The following TRAF3 variants were observed in gnomAD, a reference collection of about 807,000 sequenced individuals.
TRAF3 encodes TNF receptor-associated factor 3.
TRAF3 carries 13 observed loss-of-function variants against 62.3 expected under a neutral mutation model. The ratio of observed to expected loss-of-function variants is 0.21; its 90% CI spans 0.14 to 0.33. The LOEUF (loss-of-function observed/expected upper bound fraction) is 0.33, where lower values mean the gene tolerates loss of function less well. TRAF3 is among the 10% of genes least tolerant of loss of function. TRAF3 has a pLI of 1.00. For synonymous variants in TRAF3, 269 were observed against 283.4 expected (o/e 0.95, Z 0.51); for missense variants, 440 against 741.8 (o/e 0.59, Z 4.73).
chr14:102,845,572 G>T (rs1436696454), intron 2 of TRAF3, among the ~76,000 whole-genome samples: 3 of 149,630 alleles, frequency 2.0e-5, no homozygotes, highest in Non-Finnish European at 4.4e-5. Flanking sequence ...CTGGAGTGCA[G>T]TGGCGCCATC....
intron 1 of TRAF3, among the ~76,000 whole-genome samples, chr14:102,802,836 G>A (rs1438076312): frequency 6.6e-6 from 1 of 152,012 alleles, no homozygotes. Flanking sequence ...TCAAAAAAAA[G>A]AAATACTCGA....
chr14:102,820,614 A>ATATATATATATATT (rs1566755336), intron 1 of TRAF3, among the ~76,000 whole-genome samples: 1 of 17,926 alleles, frequency 5.6e-5, no homozygotes. Flanking sequence ...ATATATATAT[A>ATATATATATATATT]TTTTTTTTTT....
intron 2 of TRAF3, among the ~76,000 whole-genome samples, chr14:102,854,402 A>G (rs539220916): frequency 1.3e-5 from 2 of 152,342 alleles, no homozygotes; most frequent in East Asian, 3.9e-4. Context: ...CCTGTCAACA[A>G]TATGTGAAGA....
chr14:102,802,787 C>T (rs1315612334), intron 1 of TRAF3, among the ~76,000 whole-genome samples: 2 of 152,026 alleles, frequency 1.3e-5, no homozygotes, highest in Non-Finnish European at 2.9e-5. Context: ...GAGATCGTGC[C>T]ACTGCACTCT....
At chr14:102,819,554 G>T (rs1156594017) in intron 1 of TRAF3, among the ~76,000 whole-genome samples, 2 of 152,184 alleles carry the variant, frequency 1.3e-5, no homozygotes, top group East Asian at 3.8e-4. Context: ...TTCTCTCCTG[G>T]CCATTAAAGG....
chr14:102,850,721 G>A (rs1595361819), intron 2 of TRAF3, among the ~76,000 whole-genome samples: 1 of 141,474 alleles, frequency 7.1e-6, no homozygotes, highest in Non-Finnish European at 1.5e-5. Flanking sequence ...AAGTTACAGC[G>A]CTCAGAGTGC....
intron 1 of TRAF3, among the ~76,000 whole-genome samples, chr14:102,829,808 G>A (rs1191742883): frequency 6.6e-5 from 10 of 152,256 alleles, no homozygotes; most frequent in South Asian, 2.1e-4. Flanking sequence ...CTTCATTGCC[G>A]AAGATCTGTT....
At chr14:102,813,423 C>A (rs1899318085) in intron 1 of TRAF3, among the ~76,000 whole-genome samples, 1 of 151,794 alleles carries the variant, frequency 6.6e-6, no homozygotes, top group South Asian at 2.1e-4. Flanking sequence ...TTCAGGTAAT[C>A]CCCCTGCCCC....
intron 1 of TRAF3, among the ~76,000 whole-genome samples, chr14:102,809,577 G>T (rs1470728477): frequency 6.9e-6 from 1 of 144,014 alleles, no homozygotes; most frequent in African/African-American, 2.6e-5. Flanking sequence ...CTGTTGCCCA[G>T]GCTGGAGTTC....
At chr14:102,789,275 A>G (rs1027134809) in intron 1 of TRAF3, among the ~76,000 whole-genome samples, 2 of 152,180 alleles carry the variant, frequency 1.3e-5, no homozygotes, top group African/African-American at 4.8e-5. Flanking sequence ...GTTCATGGGC[A>G]TTTGGATTAT....
intron 1 of TRAF3, among the ~76,000 whole-genome samples, chr14:102,821,725 G>A (rs890683808): frequency 6.6e-6 from 1 of 152,204 alleles, no homozygotes; most frequent in East Asian, 1.9e-4. Flanking sequence ...AAACATGTCC[G>A]TTTCCAAGTG....
intron 3 of TRAF3, among the ~76,000 whole-genome samples, chr14:102,870,743 C>G (rs905049947): frequency 2.0e-5 from 3 of 152,118 alleles, no homozygotes; most frequent in Non-Finnish European, 4.4e-5. Flanking sequence ...CCTCACAGTT[C>G]CATGGAGGAG....
chr14:102,817,014 C>T (rs943827965), intron 1 of TRAF3, among the ~76,000 whole-genome samples: 3 of 152,108 alleles, frequency 2.0e-5, no homozygotes, highest in African/African-American at 7.2e-5. Context: ...CCTTTATGAT[C>T]TAAGGAATTG....
intron 1 of TRAF3, among the ~76,000 whole-genome samples, chr14:102,813,317 C>A (rs1899313361): frequency 6.6e-6 from 1 of 151,952 alleles, no homozygotes; most frequent in South Asian, 2.1e-4. Context: ...TGAGATGATA[C>A]CTCATTGTGG....
intron 1 of TRAF3, among the ~76,000 whole-genome samples, chr14:102,808,151 C>T (rs1027309576): frequency 6.6e-6 from 1 of 152,122 alleles, no homozygotes; most frequent in Non-Finnish European, 1.5e-5. Flanking sequence ...ACTTTGGCCA[C>T]GTCCCTGGTT....
At chr14:102,812,290 A>G (rs1036072329) in intron 1 of TRAF3, among the ~76,000 whole-genome samples, 1 of 152,064 alleles carries the variant, frequency 6.6e-6, no homozygotes, top group Non-Finnish European at 1.5e-5. Context: ...CTCACTTAAT[A>G]TAGTGTCCTC....
intron 2 of TRAF3, among the ~76,000 whole-genome samples, chr14:102,842,259 A>G (rs1318282885): frequency 1.3e-5 from 2 of 148,378 alleles, no homozygotes; most frequent in Non-Finnish European, 3.0e-5. Flanking sequence ...AAATAAATAG[A>G]TAAAAATAAT....
intron 1 of TRAF3, among the ~76,000 whole-genome samples, chr14:102,819,278 C>T (rs188498992): frequency 1.2e-4 from 18 of 152,176 alleles, no homozygotes; most frequent in Admixed American, 8.5e-4. Flanking sequence ...CTTCCCTGGC[C>T]ACCCTCTGCT....
intron 1 of TRAF3, among the ~76,000 whole-genome samples, chr14:102,788,075 G>A (rs1260378285): frequency 2.0e-5 from 3 of 151,358 alleles, no homozygotes; most frequent in African/African-American, 4.9e-5. Flanking sequence ...GGCTGGTCTC[G>A]AACTCCTGTG....
Sources: allele counts gnomAD v4.1 joint callset (sites outside exome capture counted in the v4.1 genomes callset), GRCh38; gene constraint gnomAD v4.1.1; transcripts MANE v1.5; gene names NCBI Gene and HGNC (gene_info 2026-07-23, HGNC 2026-07-21).